The following EEFSEC variants were observed in gnomAD, a reference collection of about 807,000 sequenced individuals.
The protein encoded by EEFSEC is selenocysteine-specific elongation factor.
Under a neutral mutation model 42.1 loss-of-function variants are expected in EEFSEC, and 43 were observed. The observed-to-expected ratio is 1.02, with a 90% confidence interval of 0.80 to 1.32. EEFSEC has a LOEUF of 1.32. EEFSEC is among the 40% of genes most tolerant of loss of function. The pLI, the probability that EEFSEC is intolerant of heterozygous loss-of-function variation, is 0.00. For missense variants in EEFSEC, 745 were observed against 803.6 expected (o/e 0.93, Z 0.88); for synonymous variants, 354 against 339.1 (o/e 1.04, Z -0.48).
intron 6 of EEFSEC, among the ~76,000 whole-genome samples, chr3:128,390,157 T>C (rs1413829955): frequency 6.6e-6 from 1 of 152,248 alleles, no homozygotes; most frequent in African/African-American, 2.4e-5. Context: ...TTCTCCTGGA[T>C]ATAATTTACA....
chr3:128,219,154 G>T (rs1459669870), intron 1 of EEFSEC, among the ~76,000 whole-genome samples: 11 of 152,214 alleles, frequency 7.2e-5, no homozygotes, highest in Non-Finnish European at 1.5e-4. Context: ...CTTTGGTGCA[G>T]TGGTACCATT....
intron 4 of EEFSEC, among the ~76,000 whole-genome samples, chr3:128,314,975 C>T (rs1559916266): frequency 6.6e-6 from 1 of 152,182 alleles, no homozygotes; most frequent in Non-Finnish European, 1.5e-5. Flanking sequence ...TCCACACCAC[C>T]TGCTCTTCAG....
intron 1 of EEFSEC, among the ~76,000 whole-genome samples, chr3:128,163,665 C>T (rs1044579227): frequency 3.3e-5 from 5 of 151,934 alleles, no homozygotes; most frequent in Non-Finnish European, 1.5e-5. Context: ...TTCGTCACCC[C>T]ATAAAGAAAC....
intron 1 of EEFSEC, among the ~76,000 whole-genome samples, chr3:128,155,762 C>G (rs1944369999): frequency 6.6e-6 from 1 of 152,218 alleles, no homozygotes; most frequent in Admixed American, 6.5e-5. Flanking sequence ...AAGTACAGTA[C>G]TTCATCTTTG....
chr3:128,368,444 C>CAAAAAAA (rs531725881), intron 6 of EEFSEC, among the ~76,000 whole-genome samples: 1 of 46,470 alleles, frequency 2.2e-5, no homozygotes, highest in African/African-American at 1.1e-4. Flanking sequence ...CCAAAAAAAA[C>CAAAAAAA]AAAAAAAAAA....
chr3:128,408,306 G>A lies in EEFSEC; in HGVS notation c.*47G>A. On this transcript the variant is annotated 3_prime_UTR_variant, in exon 7 of 7. Coordinates refer to ENST00000254730, the MANE Select transcript of EEFSEC (RefSeq NM_021937.5). ...GGCCTCCTTGCCCAGCCCAGTCCAG[G>A]CTGCTGTGCCAAATCCCAACCAGCC... 1 of 1,492,150 alleles carries A rather than the reference G, an allele frequency of 6.7e-7. No individual in the cohort carries two copies. Among genetic ancestry groups the A allele is most frequent in the African/African-American group, 1.4e-5 (1 of 70,376 alleles). 92.4% of individuals were successfully genotyped at this position (1,492,150 alleles called of 1,614,324 possible).
At chr3:128,410,787 C>G (rs900026213), downstream of EEFSEC, among the ~76,000 whole-genome samples, 2 of 152,178 alleles carry the variant, frequency 1.3e-5, no homozygotes, top group Admixed American at 6.5e-5. Flanking sequence ...GGAAGTGACA[C>G]CAGCCCCAAA....
intron 6 of EEFSEC, among the ~76,000 whole-genome samples, chr3:128,365,148 C>T (rs962787381): frequency 1.3e-5 from 2 of 152,234 alleles, no homozygotes; most frequent in Non-Finnish European, 2.9e-5. Context: ...TCCCTCATCA[C>T]AATTTATTGG....
intron 1 of EEFSEC, among the ~76,000 whole-genome samples, chr3:128,173,876 C>T (rs1349298589): frequency 6.6e-6 from 1 of 152,062 alleles, no homozygotes; most frequent in Non-Finnish European, 1.5e-5. Flanking sequence ...GTGAAGATAG[C>T]AGGGAGGGGT....
chr3:128,377,520 A>G (rs2067723764), intron 6 of EEFSEC, among the ~76,000 whole-genome samples: 1 of 152,268 alleles, frequency 6.6e-6, no homozygotes, highest in Non-Finnish European at 1.5e-5. Flanking sequence ...TGCAACACTC[A>G]GCAATAGCAA....
intron 4 of EEFSEC, among the ~76,000 whole-genome samples, chr3:128,330,547 G>T (rs999210636): frequency 6.6e-6 from 1 of 152,134 alleles, no homozygotes; most frequent in African/African-American, 2.4e-5. Context: ...CTGGTCGGGG[G>T]ACCCCTGAGG....
At chr3:128,382,841 C>T (rs995493105) in intron 6 of EEFSEC, among the ~76,000 whole-genome samples, 32 of 152,208 alleles carry the variant, frequency 2.1e-4, no homozygotes, top group Non-Finnish European at 1.3e-4. Context: ...AAAGCAACCC[C>T]TACTCTTCTC....
chr3:128,244,846 C>A (rs1234225231), intron 1 of EEFSEC, among the ~76,000 whole-genome samples: 1 of 152,192 alleles, frequency 6.6e-6, no homozygotes, highest in Non-Finnish European at 1.5e-5. Flanking sequence ...TTGTGCCTTG[C>A]CCTTCTCACT....
rs148611761 is a variant in EEFSEC at position 128,382,417 on chromosome 3, C to G, written c.1600+24044C>G. Reference sequence around the variant, plus strand: ...CAGCAGGAGCTGTGTGGGCTCGGCTCCATGCAGGTGCGCCTACGTCTATGT... The same window carrying G: ...CAGCAGGAGCTGTGTGGGCTCGGCTGCATGCAGGTGCGCCTACGTCTATGT... On this transcript the variant is annotated intron_variant, in intron 6 of 6. Coordinates refer to ENST00000254730, the MANE Select transcript of EEFSEC (RefSeq NM_021937.5). Among the ~76,000 whole-genome samples the G allele has an allele frequency of 3.0e-3, 460 of 152,242 alleles. 3 individuals are homozygous for G. The highest frequency in any genetic ancestry group is 9.7e-3 in the African/African-American group (402 of 41,538).
At chr3:128,319,308 T>G (rs2066982104) in intron 4 of EEFSEC, among the ~76,000 whole-genome samples, 1 of 152,078 alleles carries the variant, frequency 6.6e-6, no homozygotes, top group Non-Finnish European at 1.5e-5. Flanking sequence ...TCCTGTAATC[T>G]CTCTATCCAC....
chr3:128,198,479 C>A (rs918510267), intron 1 of EEFSEC, among the ~76,000 whole-genome samples: 1 of 152,194 alleles, frequency 6.6e-6, no homozygotes, highest in Admixed American at 6.5e-5. Flanking sequence ...CAACATCTTC[C>A]ATTTCAGAAA....
chr3:128,390,495 T>G (rs2067895426), intron 6 of EEFSEC, among the ~76,000 whole-genome samples: 1 of 152,148 alleles, frequency 6.6e-6, no homozygotes, highest in Non-Finnish European at 1.5e-5. Context: ...CTTCGCCAAA[T>G]GAAAAAACCT....
rs566108746 is a variant in EEFSEC at position 128,367,983 on chromosome 3, G to A, written c.1600+9610G>A. Among the ~76,000 whole-genome samples, 8 of 152,334 alleles carry A rather than the reference G, an allele frequency of 5.3e-5. No homozygotes were observed. The East Asian group carries it at 1.5e-3, about 29-fold the overall frequency. ...GAGCCGTGCCTCAGGAATTCCATGG[G>A]GCCAGTCACATGGCCTGATGCCCTT... On this transcript the variant is annotated intron_variant, in intron 6 of 6. Transcript: ENST00000254730.
intron 1 of EEFSEC, among the ~76,000 whole-genome samples, chr3:128,204,388 T>C (rs2065672020): frequency 6.6e-6 from 1 of 152,244 alleles, no homozygotes; most frequent in Admixed American, 6.5e-5. Context: ...ATTATTGCTA[T>C]GGTTACTGAT....
Sources: allele counts gnomAD v4.1 joint callset (sites outside exome capture counted in the v4.1 genomes callset), GRCh38; gene constraint gnomAD v4.1.1; transcripts MANE v1.5; gene names NCBI Gene and HGNC (gene_info 2026-07-23, HGNC 2026-07-21).